The following XRN2 variants were observed in gnomAD, a reference collection of about 807,000 sequenced individuals.
XRN2 encodes the protein 5'-3' exoribonuclease 2.
A neutral mutation model predicts 138.5 loss-of-function variants in XRN2; 44 were observed. That is an observed-to-expected ratio of 0.32 (90% CI 0.25 to 0.41). XRN2 has a LOEUF of 0.41. Ranked by LOEUF, XRN2 falls within the 10% of genes least tolerant of loss-of-function variation. The pLI is 1.00. For synonymous variants in XRN2, 354 were observed against 369.4 expected, an observed-to-expected ratio of 0.96 and a Z score of 0.48; for missense variants, 937 against 1,169.3, an observed-to-expected ratio of 0.80 and a Z score of 2.90.
intron 27 of XRN2, 142 bp from the exon 28 acceptor site, chr20:21,381,852 G>T: frequency 1.8e-6 from 1 of 567,308 alleles, no homozygotes. Context: ...TACATTTGTG[G>T]TGTGTGTTAT....
chr20:21,303,464 G>A lies in XRN2; in HGVS notation c.66G>A (p.Val22=), dbSNP rs2037766638. The change falls in exon 1 of 30, where the codon GTG becomes GTA. Residue 22 remains valine, a synonymous_variant. Coordinates refer to ENST00000377191, the MANE Select transcript of XRN2 (RefSeq NM_012255.5). ...ACCCGTCCATCATAGTCAACTGCGT[G>A]GAAGAGAAGGTGAGGAGGCGCCAGG... ...RKYPSIIVNC[V]EEKPKECNGV... is the part of the protein sequence containing the mutation. The A allele has an allele frequency of 1.3e-6, 2 of 1,543,758 alleles. No individual in the cohort carries two copies. Among genetic ancestry groups the A allele is most frequent in the East Asian group, 2.5e-5 (1 of 39,604 alleles).
intron 27 of XRN2, among the ~76,000 whole-genome samples, chr20:21,369,493 C>T (rs1233305331): frequency 1.3e-5 from 2 of 152,110 alleles, no homozygotes; most frequent in East Asian, 3.8e-4. Flanking sequence ...ACCAGTGGTC[C>T]ATGAGAGTTC....
intron 1 of XRN2, among the ~76,000 whole-genome samples, chr20:21,311,186 A>T (rs1270107443): frequency 6.6e-6 from 1 of 152,218 alleles, no homozygotes; most frequent in East Asian, 1.9e-4. Flanking sequence ...TTGTTGTGCA[A>T]CTGTCACCAA....
At chr20:21,324,988 TC>T (rs2038104292) in intron 1 of XRN2, among the ~76,000 whole-genome samples, 1 of 152,214 alleles carries the variant, frequency 6.6e-6, no homozygotes, top group Non-Finnish European at 1.5e-5. Flanking sequence ...CTCCCCTGTC[TC>T]CACCCTCACC....
At chr20:21,331,321 A>G (rs2038203700) in intron 6 of XRN2, among the ~76,000 whole-genome samples, 1 of 151,536 alleles carries the variant, frequency 6.6e-6, no homozygotes, top group African/African-American at 2.4e-5. Flanking sequence ...TCAATCAATG[A>G]AGTGGTTTTG....
In XRN2 at chr20:21,389,340, C is replaced by G. The variant is rs1391833269; in HGVS notation, c.*2C>G. On this transcript the variant is annotated 3_prime_UTR_variant, in exon 30 of 30. Coordinates refer to ENST00000377191, the MANE Select transcript of XRN2 (RefSeq NM_012255.5). The stretch of plus-strand genomic sequence containing the variant: ...TCAGGAAGATACAATTGGAATTAAG[C>G]TTTTGTAAAGCTTTCCCAAATCCTT... The G allele has an allele frequency of 6.2e-6, 10 of 1,611,878 alleles. No individual in the cohort carries two copies. Among genetic ancestry groups the G allele is most frequent in the Non-Finnish European group, 8.5e-6 (10 of 1,178,932 alleles).
At chr20:21,317,554 T>C (rs2037976905) in intron 1 of XRN2, among the ~76,000 whole-genome samples, 1 of 152,192 alleles carries the variant, frequency 6.6e-6, no homozygotes, top group South Asian at 2.1e-4. Flanking sequence ...CAGGACCTCC[T>C]GTGGATGCCG....
intron 1 of XRN2, chr20:21,303,875 C>T (rs922250773): frequency 1.0e-5 from 10 of 984,366 alleles, no homozygotes; most frequent in Admixed American, 6.1e-5. Context: ...GTTATGGATG[C>T]ACGGATTCGG....
At chr20:21,380,793 G>A (rs1224999290) in intron 27 of XRN2, among the ~76,000 whole-genome samples, 1 of 152,214 alleles carries the variant, frequency 6.6e-6, no homozygotes, top group African/African-American at 2.4e-5. Flanking sequence ...TTTCCAGCTG[G>A]CCATGGACTG....
At chr20:21,311,854 G>C (rs1250594339) in intron 1 of XRN2, among the ~76,000 whole-genome samples, 1 of 151,936 alleles carries the variant, frequency 6.6e-6, no homozygotes, top group Non-Finnish European at 1.5e-5. Context: ...AATTAGCTGG[G>C]CATAGTGGTA....
At chr20:21,356,718 ATTTTT>A in intron 23 of XRN2, 53 bp downstream of exon 23, 2 of 1,463,054 alleles carry the variant, frequency 1.4e-6, no homozygotes, top group Non-Finnish European at 1.9e-6. Flanking sequence ...TTTAGTTAGG[ATTTTT>A]TTCCTTGTTG....
At chr20:21,353,361 A>G (rs934173667) in intron 20 of XRN2, among the ~76,000 whole-genome samples, 42 of 150,096 alleles carry the variant, frequency 2.8e-4, no homozygotes, top group Admixed American at 6.7e-4. Flanking sequence ...TGTTTTAGCA[A>G]TTTCCTGGGT....
Position 21,332,448 on chromosome 20 carries a change from C to CT in XRN2, c.858+11dup. ...AGAGAAAAGAAGGGAAAGGTAAGAA[C>CT]TTTGAGATGGTAGTTGCCTCATTAA... On this transcript the variant is annotated intron_variant, in intron 9 of 29. Transcript: ENST00000377191. 1 of 1,581,214 alleles carries CT rather than the reference C, an allele frequency of 6.3e-7. No homozygotes were observed. Among genetic ancestry groups the CT allele is most frequent in the Non-Finnish European group, 8.6e-7 (1 of 1,166,416 alleles).
At chr20:21,374,575 T>A (rs960959530) in intron 27 of XRN2, among the ~76,000 whole-genome samples, 1 of 152,270 alleles carries the variant, frequency 6.6e-6, no homozygotes, top group Non-Finnish European at 1.5e-5. Flanking sequence ...TGTTGTTTTT[T>A]CTTTGTTGTG....
chr20:21,340,981 T>C, intron 15 of XRN2, 129 bp downstream of exon 15: 1 of 1,040,810 alleles, frequency 9.6e-7, no homozygotes, highest in Non-Finnish European at 1.4e-6. Flanking sequence ...TTGCTTTGCC[T>C]TGAGAAATGT....
At chr20:21,382,761 T>C (rs780885065) in intron 28 of XRN2, among the ~76,000 whole-genome samples, 1 of 152,204 alleles carries the variant, frequency 6.6e-6, no homozygotes, top group African/African-American at 2.4e-5. Context: ...CTAAGTCCGA[T>C]GGACTCTGTA....
At chr20:21,381,146 A>G (rs2038878601) in intron 27 of XRN2, among the ~76,000 whole-genome samples, 1 of 152,076 alleles carries the variant, frequency 6.6e-6, no homozygotes, top group Admixed American at 6.5e-5. Context: ...TTGTGTTTCT[A>G]TTAAAATGTG....
chr20:21,322,560 T>G (rs537126946), intron 1 of XRN2, among the ~76,000 whole-genome samples: 2 of 152,308 alleles, frequency 1.3e-5, no homozygotes, highest in Admixed American at 1.3e-4. Flanking sequence ...GTTAAATCCT[T>G]TGTAGGTTTA....
At chr20:21,366,174 A>G (rs2038698924) in intron 26 of XRN2, among the ~76,000 whole-genome samples, 1 of 127,124 alleles carries the variant, frequency 7.9e-6, no homozygotes, top group Non-Finnish European at 1.6e-5. Context: ...TATATAATAT[A>G]TATAAATATA....
Sources: allele counts gnomAD v4.1 joint callset (sites outside exome capture counted in the v4.1 genomes callset), GRCh38; gene constraint gnomAD v4.1.1; transcripts MANE v1.5; gene names NCBI Gene and HGNC (gene_info 2026-07-23, HGNC 2026-07-21).